Variants in MAP4 observed in about 807,000 individuals in gnomAD.
MAP4 encodes the protein microtubule associated protein 4.
MAP4 carries 76 observed loss-of-function variants against 170.2 expected under a neutral mutation model. That is an observed-to-expected ratio of 0.45 (90% CI 0.37 to 0.54). The LOEUF (loss-of-function observed/expected upper bound fraction) is 0.54, where lower values mean the gene tolerates loss of function less well. Among genes scored for constraint, MAP4 ranks in the 20% least tolerant of loss-of-function variants. MAP4 has a pLI of 0.00. For synonymous variants in MAP4, 909 were observed against 994.5 expected, an observed-to-expected ratio of 0.91 and a Z score of 1.62; for missense variants, 2,506 against 2,748.0, an observed-to-expected ratio of 0.91 and a Z score of 1.97.
intron 1 of MAP4, among the ~76,000 whole-genome samples, chr3:48,049,940 A>G (rs1386395650): frequency 6.6e-6 from 1 of 151,618 alleles, no homozygotes; most frequent in African/African-American, 2.4e-5. Flanking sequence ...TTCGTCTGGG[A>G]AAAAAAATAA....
intron 4 of MAP4, among the ~76,000 whole-genome samples, chr3:47,923,619 T>C (rs1178715611): frequency 4.0e-5 from 6 of 150,128 alleles, no homozygotes; most frequent in Admixed American, 2.0e-4. Flanking sequence ...GCCTGCTTTT[T>C]GTTTAAAAAA....
At chr3:47,929,359 A>G (rs1263058051) in intron 3 of MAP4, among the ~76,000 whole-genome samples, 2 of 152,148 alleles carry the variant, frequency 1.3e-5, no homozygotes, top group African/African-American at 4.8e-5. Context: ...GTACCAACTC[A>G]GCATGGTATT....
chr3:47,887,196 A>C (rs1408432782), intron 10 of MAP4, among the ~76,000 whole-genome samples: 1 of 152,078 alleles, frequency 6.6e-6, no homozygotes, highest in African/African-American at 2.4e-5. Flanking sequence ...GCTTGCAGGG[A>C]GGTGTGGAAG....
chr3:47,972,225 C>G (rs1358418072), intron 3 of MAP4, among the ~76,000 whole-genome samples: 1 of 152,182 alleles, frequency 6.6e-6, no homozygotes, highest in Non-Finnish European at 1.5e-5. Context: ...CCCAGAATGG[C>G]TAGGGAACTG....
intron 1 of MAP4, among the ~76,000 whole-genome samples, chr3:48,035,936 T>TC (rs554379608): frequency 2.0e-5 from 3 of 150,882 alleles, no homozygotes; most frequent in Admixed American, 1.3e-4. Flanking sequence ...CGAGACTCCA[T>TC]CCCCCCCTCT....
At chr3:47,971,751 T>C (rs558518174) in intron 3 of MAP4, among the ~76,000 whole-genome samples, 7 of 152,288 alleles carry the variant, frequency 4.6e-5, no homozygotes, top group African/African-American at 1.7e-4. Flanking sequence ...GATAATACAG[T>C]ATTACACATG....
intron 1 of MAP4, among the ~76,000 whole-genome samples, chr3:48,011,646 G>A (rs574529570): frequency 1.9e-4 from 29 of 151,956 alleles, no homozygotes; most frequent in African/African-American, 6.5e-4. Flanking sequence ...TTCTATGCTC[G>A]TCCAGCCTAC....
chr3:47,856,609 T>C (rs1375912832), intron 18 of MAP4, among the ~76,000 whole-genome samples: 1 of 152,186 alleles, frequency 6.6e-6, no homozygotes, highest in African/African-American at 2.4e-5. Context: ...GTATTTTTAG[T>C]AGAGACAGGG....
chr3:47,998,617 C>A (rs375811951), intron 2 of MAP4, 21 bp downstream of exon 2: 82 of 1,568,748 alleles, frequency 5.2e-5, no homozygotes, highest in Non-Finnish European at 6.9e-5. Flanking sequence ...CATATATAAG[C>A]AGTCTGGTTT....
chr3:48,036,263 TTTAA>T (rs1238408601), intron 1 of MAP4, among the ~76,000 whole-genome samples: 6 of 152,050 alleles, frequency 3.9e-5, no homozygotes, highest in East Asian at 3.9e-4. Flanking sequence ...TGAACACTAG[TTTAA>T]TTGTTTATAA....
intron 9 of MAP4, among the ~76,000 whole-genome samples, chr3:47,905,305 GAAT>G (rs1344622647): frequency 6.6e-6 from 1 of 152,076 alleles, no homozygotes; most frequent in Admixed American, 6.6e-5. Flanking sequence ...CTCTGAAAAA[GAAT>G]AATAGGGCAA....
At chr3:47,942,616 C>T (rs2100057214) in intron 3 of MAP4, among the ~76,000 whole-genome samples, 1 of 152,054 alleles carries the variant, frequency 6.6e-6, no homozygotes. Context: ...ACAGGGATAC[C>T]AGTTACTGTT....
chr3:47,897,865 C>G lies in MAP4; in HGVS notation c.5434+5085G>C, dbSNP rs991718079. On this transcript the variant is annotated intron_variant, in intron 10 of 20. Transcript: ENST00000683076. ...TCTGAGGCAGGAGAATCGCTTGAAC[C>G]TGGGAGGTGGAGGCTGCAGTGAGCC... Among the ~76,000 whole-genome samples, 7 of 148,022 alleles carry G rather than the reference C, an allele frequency of 4.7e-5. 1 individual carries two copies. The highest frequency in any genetic ancestry group is 4.7e-4 in the Admixed American group (7 of 14,924).
At chr3:47,944,427 AT>A (rs2100058419) in intron 3 of MAP4, among the ~76,000 whole-genome samples, 1 of 152,090 alleles carries the variant, frequency 6.6e-6, no homozygotes, top group Admixed American at 6.5e-5. Context: ...ATTTTACTTT[AT>A]AGAAAATGAT....
Position 47,875,702 on chromosome 3 carries a change from T to C in MAP4, c.5740A>G (p.Lys1914Glu). ...CCACTTACCTTTGGCTTCACGTCTT[T>C]TGAAGGTAAGATGGAAGGCCTGGCA... Reference protein sequence around the residue: ...ASARPSILPSKDVKPKPIADA... With the variant: ...ASARPSILPSEDVKPKPIADA... The change falls in exon 12 of 21, where the codon AAA (lysine) becomes GAA (glutamate). Residue 1914 changes from lysine to glutamate, a missense_variant. Lys to Glu is a moderately conservative substitution (Grantham distance 56, BLOSUM62 1). Around this residue, in one of 3 missense-constraint regions of MAP4, gnomAD observed 487 missense variants for 511.6 expected, o/e 0.95. Transcript: ENST00000683076. 1.2e-6 allele frequency: 2 copies of C among 1,613,030 alleles called. No homozygotes were observed. Among genetic ancestry groups the C allele is most frequent in the Non-Finnish European group, 1.7e-6 (2 of 1,179,942 alleles).
Position 47,910,739 on chromosome 3 carries a change from G to A in MAP4, c.3682C>T (p.Gln1228Ter). 6.5e-7 allele frequency: 1 copy of A among 1,536,104 alleles called. No individual in the cohort carries two copies. Among genetic ancestry groups the A allele is most frequent in the South Asian group, 1.2e-5 (1 of 84,060 alleles). ...TCCTTCCTCTCCATTCTAGCAGGCT[G>A]TGTGGAATAATTATTTTTAAACTTT... ...SKKFKNNYST[Q>*]PARMERKEEI... The change falls in exon 9 of 21, where the codon CAG becomes TAG. Residue 1228 changes from glutamine to a stop codon, truncating the protein, a stop_gained. Transcript: ENST00000683076. LOFTEE classifies it high-confidence loss of function.
At chr3:48,044,713 G>A (rs1005479247) in intron 1 of MAP4, among the ~76,000 whole-genome samples, 52 of 151,818 alleles carry the variant, frequency 3.4e-4, no homozygotes, top group Non-Finnish European at 2.1e-4. Context: ...CAGAGGTTGC[G>A]TGAGCTGAGA....
chr3:48,038,256 G>C (rs2100119807), intron 1 of MAP4, among the ~76,000 whole-genome samples: 1 of 151,660 alleles, frequency 6.6e-6, no homozygotes, highest in African/African-American at 2.4e-5. Context: ...CCAGGAGCAT[G>C]GCAGATGCAA....
At chr3:47,876,136 CTT>C (rs4032093) in intron 11 of MAP4, among the ~76,000 whole-genome samples, 5 of 92,240 alleles carry the variant, frequency 5.4e-5, no homozygotes, top group African/African-American at 5.4e-5. Context: ...CTTTTTCTTT[CTT>C]TTTTTTTTTT....
Sources: gnomAD v4.1 joint callset for allele counts (sites outside exome capture counted in the v4.1 genomes callset) on GRCh38, gnomAD v4.1.1 for gene constraint, gnomAD v4.1.1 regional missense constraint, MANE v1.5 for transcripts, NCBI Gene and HGNC (gene_info 2026-07-23, HGNC 2026-07-21) for gene names.